The following RALGAPA2 variants were observed in gnomAD, a reference collection of about 807,000 sequenced individuals.
The protein encoded by RALGAPA2 is Ral GTPase activating protein catalytic subunit alpha 2.
RALGAPA2 carries 139 observed loss-of-function variants against 230.4 expected under a neutral mutation model. The ratio of observed to expected loss-of-function variants is 0.60; its 90% CI spans 0.53 to 0.69. The LOEUF (loss-of-function observed/expected upper bound fraction) is 0.69, where lower values mean the gene tolerates loss of function less well. RALGAPA2 is among the 30% of genes least tolerant of loss of function. The pLI is 0.00. For missense variants in RALGAPA2, 2,163 were observed against 2,276.0 expected (o/e 0.95, Z 1.01); for synonymous variants, 847 against 837.8 (o/e 1.01, Z -0.19).
chr20:20,604,998 A>G (rs1201247674), intron 15 of RALGAPA2, among the ~76,000 whole-genome samples, 177 bp downstream of exon 15: 1 of 152,182 alleles, frequency 6.6e-6, no homozygotes, highest in African/African-American at 2.4e-5. Context: ...TCAGAAATTC[A>G]CCATCTCATT....
At chr20:20,650,459 G>A (rs2067359509) in intron 4 of RALGAPA2, among the ~76,000 whole-genome samples, 1 of 152,210 alleles carries the variant, frequency 6.6e-6, no homozygotes, top group South Asian at 2.1e-4. Context: ...CATTTGCAGT[G>A]TGGGACAAGA....
intron 37 of RALGAPA2, among the ~76,000 whole-genome samples, chr20:20,445,175 T>C (rs1318941266): frequency 1.3e-5 from 2 of 152,236 alleles, no homozygotes; most frequent in South Asian, 2.1e-4. Flanking sequence ...TTTGGTACTA[T>C]CTGAGGTTTC....
At chr20:20,517,929 A>G (rs1435216521) in intron 31 of RALGAPA2, among the ~76,000 whole-genome samples, 1 of 152,234 alleles carries the variant, frequency 6.6e-6, no homozygotes, top group East Asian at 1.9e-4. Context: ...AAGGTTGAAA[A>G]GATCACACTA....
In RALGAPA2 at chr20:20,583,185, C is replaced by T; in HGVS notation, c.2572G>A (p.Glu858Lys). 1 of 1,613,612 alleles carries T rather than the reference C, an allele frequency of 6.2e-7. No homozygotes were observed. The highest frequency in any genetic ancestry group is 2.2e-5 in the East Asian group (1 of 44,846). The change falls in exon 20 of 40, where the codon GAG (glutamate) becomes AAG (lysine). Residue 858 changes from glutamate to lysine, a missense_variant. Coordinates refer to ENST00000202677, the MANE Select transcript of RALGAPA2 (RefSeq NM_020343.4). ...CATGGGCCCATGGACAGCTCTGCCT[C>T]ATTGGTACAGCCCAGAGTTGTGTCA... is the stretch of plus-strand genomic sequence containing the variant. Reference protein sequence around the residue: ...NSDTTLGCTNEAELSMGPWQT... With the variant: ...NSDTTLGCTNKAELSMGPWQT...
At position 20,611,525 on chromosome 20, in the gene RALGAPA2, A is replaced by G. The variant is rs568691561; in HGVS notation, c.1689-99T>C. The stretch of plus-strand genomic sequence containing the variant: ...TTCTCTTAAGAATTCAGCAACATTG[A>G]TAATTATGTATTACTCGAAACTATT... On this transcript the variant is annotated intron_variant, in intron 13 of 39. Transcript: ENST00000202677. The G allele has an allele frequency of 1.4e-5, 21 of 1,480,180 alleles. No homozygotes were observed. The African/African-American group carries it at 2.9e-4, about 21-fold the overall frequency. 91.7% of individuals were successfully genotyped at this position (1,480,180 alleles called of 1,614,324 possible). A position where few individuals can be genotyped will look rare whatever the true frequency, so the allele number is the denominator to read the frequency against.
intron 37 of RALGAPA2, among the ~76,000 whole-genome samples, chr20:20,439,421 C>A (rs1183178299): frequency 1.3e-5 from 2 of 152,114 alleles, no homozygotes; most frequent in African/African-American, 4.8e-5. Flanking sequence ...TCATGTTGCC[C>A]AGGCTGGTCT....
At chr20:20,647,299 C>T (rs141697620) in intron 4 of RALGAPA2, among the ~76,000 whole-genome samples, 4 of 152,272 alleles carry the variant, frequency 2.6e-5, no homozygotes, top group Non-Finnish European at 5.9e-5. Context: ...CAATGCAGTA[C>T]ACCATCAGCA....
chr20:20,399,013 A>G (rs2059775256), intron 38 of RALGAPA2, among the ~76,000 whole-genome samples: 1 of 152,136 alleles, frequency 6.6e-6, no homozygotes, highest in Non-Finnish European at 1.5e-5. Flanking sequence ...GGAAACCAAA[A>G]TGTCTCAGAA....
rs1387999917 is a variant in RALGAPA2 at position 20,712,621 on chromosome 20, C to T, written c.-141G>A. 2 of 1,192,840 alleles carry T rather than the reference C, an allele frequency of 1.7e-6. No homozygotes were observed. Among genetic ancestry groups the T allele is most frequent in the South Asian group, 7.6e-5 (2 of 26,290 alleles). The allele number at this position is 1,192,840 out of a possible 1,614,324, so 73.9% of individuals were successfully genotyped here. ...CCGCTGCTGCCGCCGCCGCCGCCGCCGCCGCCGCCTCAGCTGTGTCTCCAG... is the reference window on the plus strand; with the variant it reads ...CCGCTGCTGCCGCCGCCGCCGCCGCTGCCGCCGCCTCAGCTGTGTCTCCAG... On this transcript the variant is annotated 5_prime_UTR_variant, in exon 1 of 40. Transcript: ENST00000202677. This position sits in a 1 kb window ranked among gnomAD's most constrained non-coding sequence, Gnocchi z 5.5.
chr20:20,703,102 G>A (rs1388446831), intron 1 of RALGAPA2, among the ~76,000 whole-genome samples: 2 of 152,046 alleles, frequency 1.3e-5, no homozygotes, highest in African/African-American at 4.8e-5. Flanking sequence ...CAACCCAGGA[G>A]GCAGAGGTTG....
intron 23 of RALGAPA2, among the ~76,000 whole-genome samples, chr20:20,560,700 T>C (rs910298273): frequency 1.3e-5 from 2 of 152,204 alleles, no homozygotes; most frequent in Non-Finnish European, 2.9e-5. Flanking sequence ...AGTTAATGTA[T>C]CCTCCTTCCC....
At chr20:20,518,658 A>T (rs138009964) in intron 31 of RALGAPA2, among the ~76,000 whole-genome samples, 55 of 152,332 alleles carry the variant, frequency 3.6e-4, no homozygotes, top group African/African-American at 1.3e-3. Context: ...CCCAAAGAGT[A>T]TTGTACACTG....
chr20:20,432,253 C>G (rs2060517656), intron 37 of RALGAPA2, among the ~76,000 whole-genome samples: 1 of 152,184 alleles, frequency 6.6e-6, no homozygotes, highest in African/African-American at 2.4e-5. Context: ...AAGACTGTGA[C>G]TGTCTCATTG....
intron 4 of RALGAPA2, among the ~76,000 whole-genome samples, chr20:20,644,214 T>C (rs2067135166): frequency 6.6e-6 from 1 of 152,152 alleles, no homozygotes; most frequent in African/African-American, 2.4e-5. Context: ...AACGGGATCT[T>C]AACCTCAAAA....
chr20:20,442,926 G>A (rs1458867382), intron 37 of RALGAPA2, among the ~76,000 whole-genome samples: 1 of 152,164 alleles, frequency 6.6e-6, no homozygotes, highest in African/African-American at 2.4e-5. Context: ...CTTGATACAA[G>A]GACATCTTTT....
At chr20:20,563,957 C>T (rs2064334919) in intron 23 of RALGAPA2, among the ~76,000 whole-genome samples, 1 of 152,148 alleles carries the variant, frequency 6.6e-6, no homozygotes, top group Non-Finnish European at 1.5e-5. Context: ...TGTTAGCCCT[C>T]ATTACCTTGC....
chr20:20,598,195 T>G (rs754650114), intron 16 of RALGAPA2, among the ~76,000 whole-genome samples: 71 of 152,348 alleles, frequency 4.7e-4, no homozygotes, highest in Non-Finnish European at 9.7e-4. Flanking sequence ...CACTCAAATT[T>G]CAATAGTATA....
chr20:20,654,552 C>T (rs563036101), intron 3 of RALGAPA2, among the ~76,000 whole-genome samples: 1 of 152,334 alleles, frequency 6.6e-6, no homozygotes, highest in African/African-American at 2.4e-5. Context: ...CAGGTTCAAC[C>T]ATGTTGTCAC....
rs1243366709 is a variant in RALGAPA2, at chr20:20,616,070, A to G, written c.1661T>C (p.Met554Thr). 3 of 1,544,070 alleles carry G rather than the reference A, an allele frequency of 1.9e-6. No homozygotes were observed. The highest frequency in any genetic ancestry group is 1.2e-5 in the South Asian group (1 of 81,006). The stretch of plus-strand genomic sequence containing the variant: ...TGTCTTTTTATTCATTGTAAGCTCC[A>G]TTATCATGCGCCTAAAAATAATCAA... ...AVLIIFRRMI[M>T]ELTMNKKTWE... The change falls in exon 13 of 40, where the codon ATG becomes ACG. Residue 554 changes from methionine (M) to threonine (T), a missense_variant. Met to Thr is a moderately conservative substitution (Grantham distance 81). Coordinates refer to ENST00000202677, the MANE Select transcript of RALGAPA2 (RefSeq NM_020343.4).
Sources: allele counts gnomAD v4.1 joint callset (sites outside exome capture counted in the v4.1 genomes callset), GRCh38; gene constraint gnomAD v4.1.1; non-coding constraint Gnocchi (gnomAD v3.1); transcripts MANE v1.5; gene names NCBI Gene and HGNC (gene_info 2026-07-23, HGNC 2026-07-21).